Variants in OTUD7A observed in about 807,000 individuals in gnomAD.
OTUD7A encodes the protein OTU deubiquitinase 7A, also known as OTU domain-containing protein 7A.
In OTUD7A, 12 loss-of-function variants were observed where a neutral mutation model predicts 65.7. That is an observed-to-expected ratio of 0.18 (90% CI 0.12 to 0.30). OTUD7A has a LOEUF of 0.30. OTUD7A is among the 10% of genes least tolerant of loss of function. OTUD7A has a pLI of 1.00. For missense variants in OTUD7A, 1,148 were observed against 1,304.8 expected (o/e 0.88, Z 1.85); for synonymous variants, 641 against 586.3 (o/e 1.09, Z -1.35).
intron 3 of OTUD7A, among the ~76,000 whole-genome samples, chr15:31,631,598 T>C (rs1891157400): frequency 6.6e-6 from 1 of 152,188 alleles, no homozygotes; most frequent in Non-Finnish European, 1.5e-5. Context: ...AGTATCTTTG[T>C]GGCGTTCTCT....
rs575331921 is a variant in OTUD7A at position 31,666,467 on chromosome 15, T to A, written c.-99-9390A>T. Among the ~76,000 whole-genome samples, 1,497 of 152,256 alleles carry A rather than the reference T, an allele frequency of 9.8e-3. 36 individuals are homozygous for A. The highest frequency in any genetic ancestry group is 0.035 in the African/African-American group (1,438 of 41,556). ...TTTCTGTGGTGTCACATCTTTTGTA[T>A]TTCTGTGGTGTAATATCTCCCGTTT... On this transcript the variant is annotated intron_variant, in intron 1 of 12. Coordinates refer to ENST00000307050, the MANE Select transcript of OTUD7A (RefSeq NM_001382637.1).
rs553465058 is a variant in OTUD7A, at chr15:31,857,850, C to T, written c.-100+12657G>A. Among the ~76,000 whole-genome samples, 7 of 152,294 alleles carry T rather than the reference C, an allele frequency of 4.6e-5. No individual in the cohort carries two copies. In the South Asian group the frequency reaches 1.5e-3, roughly 32 times the overall value. Reference sequence around the variant, plus strand: ...TTCTGCTGAGACTGCAGCACTGAACCACAAGCCCTCTCTATTATAATGTGT... The same window carrying T: ...TTCTGCTGAGACTGCAGCACTGAACTACAAGCCCTCTCTATTATAATGTGT... On this transcript the variant is annotated intron_variant, in intron 1 of 12. Transcript: ENST00000307050.
chr15:31,683,075 T>G (rs1273297208), intron 1 of OTUD7A, among the ~76,000 whole-genome samples: 1 of 152,180 alleles, frequency 6.6e-6, no homozygotes, highest in Non-Finnish European at 1.5e-5. Flanking sequence ...GCTCTTTCCA[T>G]TAAGAAAAAA....
At chr15:31,734,307 A>G (rs1207532777) in intron 1 of OTUD7A, among the ~76,000 whole-genome samples, 2 of 152,236 alleles carry the variant, frequency 1.3e-5, no homozygotes, top group Non-Finnish European at 1.5e-5. Context: ...AAGAATCAAT[A>G]TGATTGAAGT....
intron 1 of OTUD7A, among the ~76,000 whole-genome samples, chr15:31,731,278 A>G (rs1454234407): frequency 6.6e-6 from 1 of 152,338 alleles, no homozygotes; most frequent in East Asian, 1.9e-4. Context: ...GCAGATGTTT[A>G]CAGCAGATTT....
At chr15:31,523,208 C>T (rs924136876) in intron 8 of OTUD7A, among the ~76,000 whole-genome samples, 3 of 152,262 alleles carry the variant, frequency 2.0e-5, no homozygotes, top group Non-Finnish European at 4.4e-5. Flanking sequence ...TAGCTTCCAG[C>T]TGGCTTCTCT....
chr15:31,807,515 T>G (rs549367744), intron 1 of OTUD7A, among the ~76,000 whole-genome samples: 1 of 152,190 alleles, frequency 6.6e-6, no homozygotes, highest in Non-Finnish European at 1.5e-5. Context: ...GGCAGAAAAA[T>G]TCCCAGTCTC....
At chr15:31,614,147 G>A (rs947817028) in intron 3 of OTUD7A, among the ~76,000 whole-genome samples, 6 of 152,116 alleles carry the variant, frequency 3.9e-5, no homozygotes, top group Non-Finnish European at 5.9e-5. Flanking sequence ...GTGGACTTGG[G>A]GGAAGAATGG....
intron 1 of OTUD7A, among the ~76,000 whole-genome samples, chr15:31,754,237 C>T (rs1387528343): frequency 6.6e-6 from 1 of 151,640 alleles, no homozygotes; most frequent in African/African-American, 2.4e-5. Flanking sequence ...GATTTGAGTT[C>T]ATTGTAGATT....
chr15:31,574,071 G>C (rs1439147782), intron 3 of OTUD7A, among the ~76,000 whole-genome samples: 1 of 152,108 alleles, frequency 6.6e-6, no homozygotes, highest in Non-Finnish European at 1.5e-5. Flanking sequence ...ATAGAAGCTT[G>C]TTTTATTGAG....
In OTUD7A at chr15:31,496,225, A is replaced by ATT. The variant is rs34267794; in HGVS notation, c.1171+5463_1171+5464dup. On this transcript the variant is annotated intron_variant, in intron 10 of 12. Coordinates refer to ENST00000307050, the MANE Select transcript of OTUD7A (RefSeq NM_001382637.1). Reference sequence around the variant, plus strand: ...CAATTTGATTGGTATTTGATAAATGATTTTTTTTTTTTTTGAGATGGAGTC... The same window carrying ATT: ...CAATTTGATTGGTATTTGATAAATGATTTTTTTTTTTTTTTTGAGATGGAGTC... Among the ~76,000 whole-genome samples, 110 of 145,734 alleles carry ATT rather than the reference A, an allele frequency of 7.5e-4. 2 individuals carry two copies. Among genetic ancestry groups the ATT allele is most frequent in the African/African-American group, 1.6e-3 (62 of 39,636 alleles).
chr15:31,678,169 G>C (rs1892635136), intron 1 of OTUD7A, among the ~76,000 whole-genome samples: 1 of 152,244 alleles, frequency 6.6e-6, no homozygotes, highest in Non-Finnish European at 1.5e-5. Flanking sequence ...AAGCAGCAAA[G>C]TGTTTAAGAG....
At chr15:31,670,867 C>T (rs1307990644) in intron 1 of OTUD7A, among the ~76,000 whole-genome samples, 10 of 151,984 alleles carry the variant, frequency 6.6e-5, no homozygotes, top group Admixed American at 1.3e-4. Context: ...TGGTGGCGGG[C>T]GCCTGTAGTC....
At chr15:31,567,802 TG>T (rs1888923693) in intron 4 of OTUD7A, among the ~76,000 whole-genome samples, 1 of 152,230 alleles carries the variant, frequency 6.6e-6, no homozygotes, top group African/African-American at 2.4e-5. Context: ...GCTCCAGCCT[TG>T]GCTCAAAAGG....
At position 31,602,033 on chromosome 15, in the gene OTUD7A, G is replaced by A. The variant is rs982489732; in HGVS notation, c.152-31836C>T. Among the ~76,000 whole-genome samples, 14 of 152,218 alleles carry A rather than the reference G, an allele frequency of 9.2e-5. No individual in the cohort carries two copies. The South Asian group carries it at 1.7e-3, about 18-fold the overall frequency. On this transcript the variant is annotated intron_variant, in intron 3 of 12. Coordinates refer to ENST00000307050, the MANE Select transcript of OTUD7A (RefSeq NM_001382637.1). ...CGAATTCTACCAAAGGTACAAAGAGGAGCTGGTACCATTCCTTCTGAAACT... is the reference window on the plus strand; with the variant it reads ...CGAATTCTACCAAAGGTACAAAGAGAAGCTGGTACCATTCCTTCTGAAACT...
At chr15:31,583,524 G>T (rs1489677487) in intron 3 of OTUD7A, among the ~76,000 whole-genome samples, 1 of 151,974 alleles carries the variant, frequency 6.6e-6, no homozygotes, top group Non-Finnish European at 1.5e-5. Context: ...AATCATGGGG[G>T]TGGTTTCCCC....
intron 1 of OTUD7A, among the ~76,000 whole-genome samples, chr15:31,698,496 C>T (rs200069690): frequency 5.3e-5 from 8 of 149,550 alleles, no homozygotes; most frequent in African/African-American, 1.7e-4. Context: ...ATGCAAGTTC[C>T]CAGGCTCCAC....
At position 31,586,076 on chromosome 15, in the gene OTUD7A, T is replaced by C. The variant is rs62004125; in HGVS notation, c.152-15879A>G. Among the ~76,000 whole-genome samples, 1,207 of 152,358 alleles carry C rather than the reference T, an allele frequency of 7.9e-3. 5 individuals are homozygous for C. The highest frequency in any genetic ancestry group is 0.012 in the Non-Finnish European group (848 of 68,028). On this transcript the variant is annotated intron_variant, in intron 3 of 12. Transcript: ENST00000307050. ...AAGGTGAGGCTACGCTGGTTCACCC[T>C]ATGGAGAAAGGCTCCTGCCAGTTAC...
chr15:31,842,272 T>G (rs1207989284), intron 1 of OTUD7A, among the ~76,000 whole-genome samples: 1 of 152,224 alleles, frequency 6.6e-6, no homozygotes, highest in Non-Finnish European at 1.5e-5. Context: ...TGTGTCCTGA[T>G]CTAGGTGTGG....
Sources: allele counts gnomAD v4.1 joint callset (sites outside exome capture counted in the v4.1 genomes callset), GRCh38; gene constraint gnomAD v4.1.1; transcripts MANE v1.5; gene names NCBI Gene and HGNC (gene_info 2026-07-23, HGNC 2026-07-21).